The following UPRT variants were observed in gnomAD, a reference collection of about 807,000 sequenced individuals.
The protein encoded by UPRT is uracil phosphoribosyltransferase homolog, also known as RP11-311P8.3.
UPRT carries 5 observed loss-of-function variants against 22.6 expected under a neutral mutation model. That is an observed-to-expected ratio of 0.22 (90% CI 0.12 to 0.47). UPRT has a LOEUF of 0.47. Among genes scored for constraint, UPRT ranks in the 20% least tolerant of loss-of-function variants. The probability of loss-of-function intolerance (pLI) is 0.99; values close to 1 mark genes in which losing one functional copy is unlikely to be tolerated. For missense variants in UPRT, 181 were observed against 239.9 expected, an observed-to-expected ratio of 0.75 and a Z score of 1.62; for synonymous variants, 77 against 87.7, an observed-to-expected ratio of 0.88 and a Z score of 0.68.
At chrX:75,273,217 C>T (rs368575005), upstream of UPRT, among the ~76,000 whole-genome samples, 50 of 110,887 alleles carry the variant, frequency 4.5e-4, no homozygotes, top group Middle Eastern at 9.2e-3. Flanking sequence ...GGAAAGACAA[C>T]TAGTGGGTAC....
chrX:75,186,738 A>C (rs945182609), intron 4 of UPRT, among the ~76,000 whole-genome samples: 1 of 112,144 alleles, frequency 8.9e-6, no homozygotes, highest in African/African-American at 3.3e-5. Flanking sequence ...TAGGATAGTT[A>C]GCTCTTCTTG....
chrX:75,163,084 C>T (rs2082204571), intron 2 of UPRT, among the ~76,000 whole-genome samples: 1 of 111,731 alleles, frequency 9.0e-6, no homozygotes, highest in East Asian at 2.8e-4. Flanking sequence ...GACTTGGGGT[C>T]CCTCTCTCAA....
At chrX:75,272,867 C>T (rs1199411394), upstream of UPRT, among the ~76,000 whole-genome samples, 1 of 112,084 alleles carries the variant, frequency 8.9e-6, no homozygotes, top group Non-Finnish European at 1.9e-5. Context: ...ATTAAAGACA[C>T]ATGCACACAT....
intron 1 of UPRT, among the ~76,000 whole-genome samples, chrX:75,289,796 TAG>T (rs1456461207): frequency 4.3e-4 from 48 of 111,738 alleles, no homozygotes; most frequent in Non-Finnish European, 7.5e-4. Context: ...TTTCACCATG[TAG>T]AAAACTTAAG....
At chrX:75,175,011 G>C (rs6655628) in intron 4 of UPRT, among the ~76,000 whole-genome samples, 1 of 108,058 alleles carries the variant, frequency 9.3e-6, no homozygotes, top group Non-Finnish European at 1.9e-5. Flanking sequence ...TCTCTCTCTC[G>C]TTCTCTGATG....
intron 4 of UPRT, among the ~76,000 whole-genome samples, chrX:75,201,269 T>G (rs1215867908): frequency 1.8e-5 from 2 of 112,902 alleles, no homozygotes; most frequent in Non-Finnish European, 3.7e-5. Flanking sequence ...GAAAGTAATT[T>G]GTTCCTCTCT....
intron 4 of UPRT, among the ~76,000 whole-genome samples, chrX:75,253,687 C>A (rs1602475833): frequency 8.9e-6 from 1 of 111,790 alleles, no homozygotes; most frequent in Non-Finnish European, 1.9e-5. Context: ...ACCCACAGAC[C>A]CTCTGAAGGA....
At chrX:75,296,259 T>C in intron 2 of UPRT, 83 bp from the exon 3 acceptor site, 1 of 965,123 alleles carries the variant, frequency 1.0e-6, no homozygotes, top group Non-Finnish European at 1.5e-6. Context: ...TTCATGACTC[T>C]GCCTACTGTT....
chrX:75,245,499 C>A (rs1471716898), intron 4 of UPRT, among the ~76,000 whole-genome samples: 1 of 109,288 alleles, frequency 9.2e-6, no homozygotes, highest in Non-Finnish European at 1.9e-5. Flanking sequence ...AATTTATGTT[C>A]ACTGCAGCAC....
At chrX:75,242,803 G>C (rs1461149603) in intron 4 of UPRT, among the ~76,000 whole-genome samples, 1 of 111,262 alleles carries the variant, frequency 9.0e-6, no homozygotes, top group Admixed American at 9.6e-5. Flanking sequence ...TAGGCACCAA[G>C]TCAATTTTTC....
chrX:75,276,433 A>G (rs2082632100), intron 1 of UPRT, among the ~76,000 whole-genome samples: 1 of 111,764 alleles, frequency 8.9e-6, no homozygotes, highest in African/African-American at 3.3e-5. Flanking sequence ...ATGAATCAAT[A>G]TTGAAAACTA....
chrX:75,298,518 G>C (rs1243248318), intron 4 of UPRT, among the ~76,000 whole-genome samples: 1 of 109,227 alleles, frequency 9.2e-6, no homozygotes, highest in Non-Finnish European at 1.9e-5. Context: ...CAACTTAATT[G>C]TTTCACGTAA....
At chrX:75,239,191 A>G (rs760816066) in intron 4 of UPRT, among the ~76,000 whole-genome samples, 2 of 111,631 alleles carry the variant, frequency 1.8e-5, no homozygotes, top group Non-Finnish European at 3.8e-5. Context: ...TGAAAGATAA[A>G]CAAAAGTGAT....
rs774037292 is a variant in UPRT at position 75,210,038 on chromosome X, C to T, written c.-447+42159C>T. On this transcript the variant is annotated intron_variant, in intron 4 of 13. Transcript: ENST00000652605. ...AGTATAAATGAAGGTAGATTCTGCC[C>T]TTATTGGTATTAGGGCTTAAGGTGG... Among the ~76,000 whole-genome samples the T allele has an allele frequency of 6.3e-5, 7 of 111,702 alleles. No homozygotes were observed. In the East Asian group the frequency reaches 2.0e-3, roughly 32 times the overall value.
At chrX:75,271,536 A>C (rs778847264), upstream of UPRT, among the ~76,000 whole-genome samples, 1 of 112,535 alleles carries the variant, frequency 8.9e-6, no homozygotes, top group South Asian at 3.6e-4. Flanking sequence ...TGAAACTATA[A>C]AAATTCTAGA....
chrX:75,161,966 G>A (rs746631481), intron 2 of UPRT, among the ~76,000 whole-genome samples: 2 of 111,510 alleles, frequency 1.8e-5, no homozygotes, highest in African/African-American at 6.5e-5. Flanking sequence ...TGGGAATTTC[G>A]TAGGACTGTG....
chrX:75,267,397 A>T (rs1362199712), intron 4 of UPRT, among the ~76,000 whole-genome samples: 1 of 111,328 alleles, frequency 9.0e-6, no homozygotes, highest in Non-Finnish European at 1.9e-5. Context: ...GGACATGGGA[A>T]GGGGAATATC....
intron 4 of UPRT, among the ~76,000 whole-genome samples, chrX:75,233,985 AC>A (rs2082449809): frequency 9.0e-6 from 1 of 111,566 alleles, no homozygotes; most frequent in Non-Finnish European, 1.9e-5. Context: ...AAAGGCACAG[AC>A]TGGCAAATTG....
At chrX:75,207,447 C>T (rs963637691) in intron 4 of UPRT, among the ~76,000 whole-genome samples, 1 of 111,295 alleles carries the variant, frequency 9.0e-6, no homozygotes, top group African/African-American at 3.3e-5. Context: ...TGCAAAGGAG[C>T]TTCCGAGTTG....
Sources: allele counts gnomAD v4.1 joint callset (sites outside exome capture counted in the v4.1 genomes callset), GRCh38; gene constraint gnomAD v4.1.1; transcripts MANE v1.5; gene names NCBI Gene and HGNC (gene_info 2026-07-23, HGNC 2026-07-21).